KAZN: variants seen among roughly 807,000 people sequenced by gnomAD.
The protein encoded by KAZN is kazrin, periplakin interacting protein.
KAZN carries 40 observed loss-of-function variants against 87.4 expected under a neutral mutation model. The observed-to-expected ratio is 0.46, with a 90% CI of 0.36 to 0.60. The LOEUF is 0.60. Ranked by LOEUF, KAZN falls within the 20% of genes least tolerant of loss-of-function variation. The pLI is 0.00. For synonymous variants in KAZN, 466 were observed against 458.3 expected, an observed-to-expected ratio of 1.02 and a Z score of -0.22; for missense variants, 898 against 1,073.9, an observed-to-expected ratio of 0.84 and a Z score of 2.29.
chr1:14,218,408 C>T (rs955848193), intron 2 of KAZN, among the ~76,000 whole-genome samples: 1 of 152,062 alleles, frequency 6.6e-6, no homozygotes. Flanking sequence ...TACTATTTCC[C>T]ACTAAAAGAA....
chr1:15,054,147 G>A (rs539800549), intron 4 of KAZN, among the ~76,000 whole-genome samples: 1 of 152,178 alleles, frequency 6.6e-6, no homozygotes, highest in South Asian at 2.1e-4. Context: ...AGAACTCCAG[G>A]CCTGGGGCAA....
At chr1:14,017,960 T>C (rs1640647340) in intron 1 of KAZN, among the ~76,000 whole-genome samples, 1 of 152,170 alleles carries the variant, frequency 6.6e-6, no homozygotes, top group Non-Finnish European at 1.5e-5. Flanking sequence ...AGCTGACGTT[T>C]ACTAAGCATG....
chr1:14,715,589 G>T (rs1407374353), intron 1 of KAZN, among the ~76,000 whole-genome samples: 1 of 152,216 alleles, frequency 6.6e-6, no homozygotes, highest in Admixed American at 6.5e-5. Flanking sequence ...AGATGAGCCA[G>T]TAATGGATGT....
At chr1:14,585,179 G>A (rs1327143712) in intron 2 of KAZN, among the ~76,000 whole-genome samples, 2 of 152,192 alleles carry the variant, frequency 1.3e-5, no homozygotes, top group Admixed American at 1.3e-4. Flanking sequence ...CTAGAACTCT[G>A]AGGAAATACA....
chr1:14,470,562 A>G (rs142678563), intron 2 of KAZN, among the ~76,000 whole-genome samples: 36 of 152,352 alleles, frequency 2.4e-4, no homozygotes, highest in African/African-American at 7.5e-4. Context: ...GAAGAGCCAC[A>G]TTAGCCAACA....
Position 14,817,480 on chromosome 1 carries a change from G to A in KAZN, c.227-143204G>A, listed in dbSNP as rs569832675. On this transcript the variant is annotated intron_variant, in intron 1 of 14. Coordinates refer to ENST00000376030, the MANE Select transcript of KAZN (RefSeq NM_201628.3). ...AACATAAAATAAACCACAAGATAGC[G>A]TGATATGGCACAAACATTACTATGG... Among the ~76,000 whole-genome samples the A allele has an allele frequency of 7.2e-5, 11 of 152,286 alleles. No individual in the cohort carries two copies. In the South Asian group the frequency reaches 1.0e-3, roughly 14 times the overall value.
intron 1 of KAZN, among the ~76,000 whole-genome samples, chr1:13,969,113 G>A (rs1642047211): frequency 6.6e-6 from 1 of 152,146 alleles, no homozygotes; most frequent in South Asian, 2.1e-4. Context: ...AAATACTTGA[G>A]ATATGGCAGT....
At chr1:14,390,055 A>C (rs764555857) in intron 2 of KAZN, among the ~76,000 whole-genome samples, 4 of 152,224 alleles carry the variant, frequency 2.6e-5, no homozygotes, top group Admixed American at 6.5e-5. Flanking sequence ...GTACGTGGGC[A>C]TATTTTAGAA....
chr1:14,838,346 G>A (rs1647524662), intron 1 of KAZN, among the ~76,000 whole-genome samples: 1 of 152,216 alleles, frequency 6.6e-6, no homozygotes, highest in African/African-American at 2.4e-5. Context: ...CAGCACGTCT[G>A]AATGTACTTA....
intron 2 of KAZN, among the ~76,000 whole-genome samples, chr1:14,969,804 T>C (rs905505171): frequency 5.3e-5 from 8 of 152,138 alleles, no homozygotes. Flanking sequence ...AAGTACTTTT[T>C]ATTTTATTTT....
chr1:14,975,082 G>A (rs934432891), intron 2 of KAZN, among the ~76,000 whole-genome samples: 5 of 152,180 alleles, frequency 3.3e-5, no homozygotes, highest in African/African-American at 4.8e-5. Context: ...CCTGTGTGCT[G>A]GCCTCAGCAG....
At chr1:14,037,812 T>C (rs972100494) in intron 1 of KAZN, among the ~76,000 whole-genome samples, 1 of 152,214 alleles carries the variant, frequency 6.6e-6, no homozygotes. Context: ...CCTGCAGACT[T>C]TGGCTGAGTA....
In KAZN at chr1:14,956,299, G is replaced by GAAAAAAAAA. The variant is rs35057453; in HGVS notation, c.227-4375_227-4367dup. Reference sequence around the variant, plus strand: ...GGTTGGAAGAGACCCAGAAGTCACTGAAAAAAAAAAAAAAAAAAGACCCAG... The same window carrying GAAAAAAAAA: ...GGTTGGAAGAGACCCAGAAGTCACTGAAAAAAAAAAAAAAAAAAAAAAAAAAAGACCCAG... On this transcript the variant is annotated intron_variant, in intron 1 of 14. Coordinates refer to ENST00000376030, the MANE Select transcript of KAZN (RefSeq NM_201628.3). Among the ~76,000 whole-genome samples the GAAAAAAAAA allele has an allele frequency of 2.1e-4, 21 of 99,562 alleles. 1 individual carries two copies. The highest frequency in any genetic ancestry group is 8.1e-4 in the African/African-American group (18 of 22,346). 65.3% of individuals were successfully genotyped at this position (99,562 alleles called of 152,430 possible).
chr1:14,890,036 A>C (rs1402356344), intron 1 of KAZN, among the ~76,000 whole-genome samples: 3 of 152,214 alleles, frequency 2.0e-5, no homozygotes, highest in Non-Finnish European at 4.4e-5. Context: ...TGCAGAACAC[A>C]GGAAGAGTTA....
chr1:14,368,468 T>A (rs1660195684), intron 2 of KAZN, among the ~76,000 whole-genome samples: 2 of 152,324 alleles, frequency 1.3e-5, no homozygotes, highest in Admixed American at 1.3e-4. Flanking sequence ...AGCTTCTAGG[T>A]CTCTGACCAT....
intron 1 of KAZN, among the ~76,000 whole-genome samples, chr1:14,098,424 T>C (rs1379998220): frequency 6.6e-6 from 1 of 152,152 alleles, no homozygotes; most frequent in Admixed American, 6.5e-5. Flanking sequence ...TATGCAGCTA[T>C]AGTATGCTCC....
At chr1:14,489,736 A>AAATAATAAT (rs57610968) in intron 2 of KAZN, among the ~76,000 whole-genome samples, 15,390 of 144,364 alleles carry the variant, frequency 0.11, 887 homozygotes, top group Non-Finnish European at 0.13. Context: ...TCTGTCTTAA[A>AAATAATAAT]AATAATAATA....
At chr1:14,688,339 C>A (rs995556014) in intron 1 of KAZN, among the ~76,000 whole-genome samples, 5 of 152,220 alleles carry the variant, frequency 3.3e-5, no homozygotes, top group African/African-American at 1.2e-4. Flanking sequence ...GATGGCCTCT[C>A]AAGTTCTTCC....
chr1:14,829,210 T>C (rs964869669), intron 1 of KAZN, among the ~76,000 whole-genome samples: 3 of 152,252 alleles, frequency 2.0e-5, no homozygotes, highest in African/African-American at 7.2e-5. Flanking sequence ...TGAGCCATGA[T>C]AGGCATGAAT....
Sources: gnomAD v4.1 joint callset for allele counts (sites outside exome capture counted in the v4.1 genomes callset) on GRCh38, gnomAD v4.1.1 for gene constraint, MANE v1.5 for transcripts, NCBI Gene and HGNC (gene_info 2026-07-23, HGNC 2026-07-21) for gene names.